Variants in TRIP4 observed in about 807,000 individuals in gnomAD.
TRIP4 encodes the protein thyroid hormone receptor interactor 4.
TRIP4 carries 54 observed loss-of-function variants against 81.8 expected under a neutral mutation model. The observed-to-expected ratio is 0.66, with a 90% CI of 0.53 to 0.83. The LOEUF (loss-of-function observed/expected upper bound fraction) is 0.83, where lower values mean the gene tolerates loss of function less well. Ranked by LOEUF, TRIP4 falls within the 40% of genes least tolerant of loss-of-function variation. The probability of loss-of-function intolerance (pLI) is 0.00; values close to 1 mark genes in which losing one functional copy is unlikely to be tolerated. For missense variants in TRIP4, 662 were observed against 683.6 expected (o/e 0.97, Z 0.35); for synonymous variants, 270 against 242.8 (o/e 1.11, Z -1.04).
At chr15:64,394,482 G>A (rs1184933717) in intron 2 of TRIP4, among the ~76,000 whole-genome samples, 3 of 151,920 alleles carry the variant, frequency 2.0e-5, no homozygotes, top group Non-Finnish European at 4.4e-5. Context: ...GCAGGCGCCT[G>A]TAGTCCCAGC....
chr15:64,401,501 A>G (rs1891507798), intron 5 of TRIP4, among the ~76,000 whole-genome samples: 1 of 152,008 alleles, frequency 6.6e-6, no homozygotes, highest in East Asian at 1.9e-4. Flanking sequence ...TGAACTCATG[A>G]CCTCAAGTGA....
chr15:64,425,573 G>T lies in TRIP4; in HGVS notation c.1517G>T (p.Cys506Phe), dbSNP rs780853759. The T allele has an allele frequency of 1.9e-6, 3 of 1,612,500 alleles. No individual in the cohort carries two copies. Among genetic ancestry groups the T allele is most frequent in the Non-Finnish European group, 2.5e-6 (3 of 1,179,462 alleles). The change falls in exon 11 of 13, where the codon TGT (cysteine) becomes TTT (phenylalanine). Residue 506 changes from cysteine (C) to phenylalanine (F), a missense_variant. Coordinates refer to ENST00000261884, the MANE Select transcript of TRIP4 (RefSeq NM_016213.5). ...TTTCCTAATGACTATCCGTCAGGTTGTCTTCTGGGCTGTGTGGACCTAATT... is the reference window on the plus strand; with the variant it reads ...TTTCCTAATGACTATCCGTCAGGTTTTCTTCTGGGCTGTGTGGACCTAATT... Reference protein sequence around the residue: ...VEFPNDYPSGCLLGCVDLIDC... With the variant: ...VEFPNDYPSGFLLGCVDLIDC...
At chr15:64,409,305 G>T (rs1415267654) in intron 6 of TRIP4, among the ~76,000 whole-genome samples, 15 of 152,164 alleles carry the variant, frequency 9.9e-5, no homozygotes, top group Admixed American at 9.8e-4. Flanking sequence ...GAGGGACTAG[G>T]ATATTTAGTA....
chr15:64,414,318 T>A lies in TRIP4; in HGVS notation c.1170+107T>A. ...TTCAGATACCAATCAGCTCTCTCAA[T>A]ACACCTGTACCAATCAGCTCTCTCA... is the stretch of plus-strand genomic sequence containing the variant. On this transcript the variant is annotated intron_variant, in intron 8 of 12. Transcript: ENST00000261884. 3 of 1,421,164 alleles carry A rather than the reference T, an allele frequency of 2.1e-6. No homozygotes were observed. The South Asian group carries it at 4.0e-5, about 19-fold the overall frequency. The allele number at this position is 1,421,164 out of a possible 1,614,324, so 88.0% of individuals were successfully genotyped here.
intron 1 of TRIP4, among the ~76,000 whole-genome samples, chr15:64,389,858 T>A (rs988179780): frequency 1.3e-5 from 2 of 150,608 alleles, no homozygotes; most frequent in African/African-American, 4.9e-5. Flanking sequence ...CGCACCACCA[T>A]GCCTGGCTAA....
chr15:64,450,518 A>C (rs1892734850), intron 12 of TRIP4: 1 of 326,656 alleles, frequency 3.1e-6, no homozygotes, highest in African/African-American at 2.1e-5. Context: ...TGCTTTCCAC[A>C]AGAAGCCCCG....
chr15:64,411,025 G>A (rs11071795), intron 7 of TRIP4, among the ~76,000 whole-genome samples: 126,404 of 152,132 alleles, frequency 0.83, 54,930 homozygotes, highest in East Asian at 0.96. Flanking sequence ...TTTTTTTAAA[G>A]GATAATATTG....
chr15:64,393,225 C>T (rs570743567), intron 1 of TRIP4: 2 of 150,172 alleles, frequency 1.3e-5, no homozygotes, highest in Non-Finnish European at 3.0e-5. Context: ...TCTCAGCTCA[C>T]TGCAAGCTCT....
intron 1 of TRIP4, among the ~76,000 whole-genome samples, chr15:64,391,376 C>T (rs1332660508): frequency 6.6e-6 from 1 of 151,634 alleles, no homozygotes; most frequent in African/African-American, 2.4e-5. Flanking sequence ...AGGATGGTCT[C>T]GGTCTCCTGA....
chr15:64,434,898 C>T (rs577865374), intron 11 of TRIP4, among the ~76,000 whole-genome samples: 30 of 152,006 alleles, frequency 2.0e-4, no homozygotes, highest in Non-Finnish European at 3.8e-4. Flanking sequence ...CCATGTAAAC[C>T]AAGTGGCAAC....
At chr15:64,421,410 T>G (rs1250320311) in intron 9 of TRIP4, among the ~76,000 whole-genome samples, 1 of 151,318 alleles carries the variant, frequency 6.6e-6, no homozygotes, top group Non-Finnish European at 1.5e-5. Flanking sequence ...GATCTCGGCT[T>G]GCTGCAACCT....
intron 10 of TRIP4, 81 bp downstream of exon 10, chr15:64,424,236 C>A (rs570665113): frequency 6.3e-7 from 1 of 1,577,890 alleles, no homozygotes; most frequent in South Asian, 1.2e-5. Flanking sequence ...TTCCTTCTTT[C>A]TTTGGCTTTT....
rs187917345 is a variant in TRIP4 at position 64,424,176 on chromosome 15, T to C, written c.1483+21T>C. ...GAAAGGTAACAGCCGCATATTCTCCTTTCAATTTTACTTTATGGAGAGAAG... is the reference window on the plus strand; with the variant it reads ...GAAAGGTAACAGCCGCATATTCTCCCTTCAATTTTACTTTATGGAGAGAAG... On this transcript the variant is annotated intron_variant, in intron 10 of 12. Coordinates refer to ENST00000261884, the MANE Select transcript of TRIP4 (RefSeq NM_016213.5). 3.1e-6 allele frequency: 5 copies of C among 1,613,702 alleles called. No individual in the cohort carries two copies. The East Asian group carries it at 1.1e-4, about 36-fold the overall frequency.
chr15:64,438,335 T>C (rs1892445618), intron 11 of TRIP4, among the ~76,000 whole-genome samples: 1 of 152,246 alleles, frequency 6.6e-6, no homozygotes. Flanking sequence ...CATTCATTTA[T>C]TTATTTTGAG....
At chr15:64,395,664 A>G in intron 3 of TRIP4, 133 bp downstream of exon 3, 2 of 992,166 alleles carry the variant, frequency 2.0e-6, no homozygotes, top group Non-Finnish European at 2.9e-6. Context: ...TTAGGTAGAA[A>G]AAGTTACATA....
chr15:64,418,421 T>C (rs985199651), intron 8 of TRIP4, 120 bp from the exon 9 acceptor site: 4 of 1,170,528 alleles, frequency 3.4e-6, no homozygotes, highest in Non-Finnish European at 4.7e-6. Context: ...CTGGGATATA[T>C]TTTTCTAAGA....
At chr15:64,450,772 T>A (rs989057442) in intron 12 of TRIP4, 1 of 455,960 alleles carries the variant, frequency 2.2e-6, no homozygotes, top group Admixed American at 2.3e-5. Flanking sequence ...GACATCATCA[T>A]TGAAGCCAGA....
At chr15:64,399,683 G>C (rs1248182372) in intron 4 of TRIP4, among the ~76,000 whole-genome samples, 1 of 151,922 alleles carries the variant, frequency 6.6e-6, no homozygotes, top group Non-Finnish European at 1.5e-5. Flanking sequence ...TGTATTTTTA[G>C]TAGAGACAGG....
At chr15:64,403,216 G>A (rs531083648) in intron 5 of TRIP4, among the ~76,000 whole-genome samples, 21 of 151,676 alleles carry the variant, frequency 1.4e-4, no homozygotes, top group African/African-American at 5.1e-4. Flanking sequence ...GAGTGCAGTG[G>A]CGCAATCTTG....
Sources: allele counts gnomAD v4.1 joint callset (sites outside exome capture counted in the v4.1 genomes callset), GRCh38; gene constraint gnomAD v4.1.1; transcripts MANE v1.5; gene names NCBI Gene and HGNC (gene_info 2026-07-23, HGNC 2026-07-21).